The following MED6 variants were observed in gnomAD, a reference collection of about 807,000 sequenced individuals.
MED6 encodes the protein mediator complex subunit 6, also known as mediator of RNA polymerase II transcription subunit 6.
A neutral mutation model predicts 37.5 loss-of-function variants in MED6; 33 were observed. The ratio of observed to expected loss-of-function variants is 0.88; its 90% CI spans 0.67 to 1.18. The LOEUF (loss-of-function observed/expected upper bound fraction) is 1.18, where lower values mean the gene tolerates loss of function less well. Among genes scored for constraint, MED6 ranks in the 50% most tolerant of loss-of-function variants. MED6 has a pLI of 0.00. For synonymous variants in MED6, 94 were observed against 93.6 expected, an observed-to-expected ratio of 1.00 and a Z score of -0.02; for missense variants, 235 against 290.6, an observed-to-expected ratio of 0.81 and a Z score of 1.39.
chr14:70,587,207 G>A (rs553422292), intron 6 of MED6, among the ~76,000 whole-genome samples: 1 of 152,306 alleles, frequency 6.6e-6, no homozygotes, highest in East Asian at 1.9e-4. Context: ...CTTAAGGGAA[G>A]GAGAAAGTAT....
At chr14:70,593,756 G>A (rs757211770) in intron 3 of MED6, among the ~76,000 whole-genome samples, 2 of 152,148 alleles carry the variant, frequency 1.3e-5, no homozygotes, top group African/African-American at 2.4e-5. Context: ...CATTTCTAAC[G>A]AGTTCCCAAA....
In MED6 at chr14:70,595,525, G is replaced by A. The variant is rs186782671; in HGVS notation, c.274+1086C>T. The A allele has an allele frequency of 1.6e-4, 113 of 685,656 alleles. 1 individual carries two copies. Among genetic ancestry groups the A allele is most frequent in the African/African-American group, 8.1e-4 (47 of 57,966 alleles). 42.5% of individuals were successfully genotyped at this position (685,656 alleles called of 1,614,324 possible). ...AACAGCCTGAGGGAGGTGGAGGCCT[G>A]CTATACCCTGCAGATGGAGCAGCTC... On this transcript the variant is annotated intron_variant, in intron 3 of 7. Transcript: ENST00000256379.
At chr14:70,585,057 T>A in intron 7 of MED6, 114 bp from the exon 8 acceptor site, 1 of 1,227,048 alleles carries the variant, frequency 8.1e-7, no homozygotes, top group Non-Finnish European at 1.1e-6. Context: ...TTATCTCAAG[T>A]TCTAGATCTA....
At chr14:70,588,661 G>GCACTCC (rs1391985460) in intron 6 of MED6, among the ~76,000 whole-genome samples, 36 of 149,900 alleles carry the variant, frequency 2.4e-4, no homozygotes, top group African/African-American at 8.8e-4. Flanking sequence ...ACTCCAGCCT[G>GCACTCC]GGCGACAGAG....
intron 1 of MED6, 46 bp from the exon 2 acceptor site, chr14:70,597,823 G>A: frequency 1.4e-6 from 2 of 1,463,966 alleles, no homozygotes; most frequent in Non-Finnish European, 1.8e-6. Flanking sequence ...AAAATAGAAA[G>A]AATCCAATCC....
rs1229117341 is a variant in MED6, at chr14:70,592,758, CCA to C, written c.466+120_466+121del. 3 of 1,054,764 alleles carry C rather than the reference CCA, an allele frequency of 2.8e-6. No homozygotes were observed. In the East Asian group the frequency reaches 7.7e-5, roughly 27 times the overall value. 65.3% of individuals were successfully genotyped at this position (1,054,764 alleles called of 1,614,324 possible). A position where few individuals can be genotyped will look rare whatever the true frequency, so the allele number is the denominator to read the frequency against. On this transcript the variant is annotated intron_variant, in intron 5 of 7. Coordinates refer to ENST00000256379, the MANE Select transcript of MED6 (RefSeq NM_005466.4). ...TACATGAATCTCAGCTGCAACAAAG[CCA>C]TCATCCCATGAAAAAGTGAAACACA...
chr14:70,589,719 T>C (rs1369996094), intron 6 of MED6, among the ~76,000 whole-genome samples: 5 of 152,212 alleles, frequency 3.3e-5, no homozygotes, highest in Non-Finnish European at 7.4e-5. Context: ...CCAGCTCCTT[T>C]GCATAGCATA....
intron 3 of MED6, chr14:70,594,905 T>A (rs534250644): frequency 3.2e-5 from 20 of 621,582 alleles, no homozygotes; most frequent in African/African-American, 1.8e-4. Flanking sequence ...CAGGAGCACC[T>A]GGATAAGAAG....
At chr14:70,587,743 T>C (rs116882238) in intron 6 of MED6, among the ~76,000 whole-genome samples, 84 of 152,358 alleles carry the variant, frequency 5.5e-4, no homozygotes, top group Non-Finnish European at 1.0e-3. Context: ...CAGGTGGCTT[T>C]GGTTTAGATA....
At chr14:70,586,205 T>C (rs1028612532) in intron 6 of MED6, among the ~76,000 whole-genome samples, 2 of 152,184 alleles carry the variant, frequency 1.3e-5, no homozygotes, top group Admixed American at 1.3e-4. Context: ...GAAGTATGGA[T>C]GAACCATGAC....
intron 6 of MED6, among the ~76,000 whole-genome samples, chr14:70,590,544 C>T (rs1189104112): frequency 6.6e-6 from 1 of 152,094 alleles, no homozygotes; most frequent in East Asian, 1.9e-4. Flanking sequence ...TTTAAAATTT[C>T]CCTTGAAAAT....
chr14:70,593,320 CA>C lies in MED6; in HGVS notation c.332del (p.Leu111TrpfsTer5). 1 of 1,613,842 alleles carries C rather than the reference CA, an allele frequency of 6.2e-7. No individual in the cohort carries two copies. The highest frequency in any genetic ancestry group is 8.5e-7 in the Non-Finnish European group (1 of 1,179,838). On this transcript the variant is annotated frameshift_variant, in exon 4 of 8. Coordinates refer to ENST00000256379, the MANE Select transcript of MED6 (RefSeq NM_005466.4). LOFTEE classifies it high-confidence loss of function. The stretch of plus-strand genomic sequence containing the variant: ...CCACTCTAGAGTTTATAACTGATCC[CA>C]AGTCTGGTGCCTGATAGATCACTCC... Reference protein sequence around the residue: ...IAGVIYQAPDLGSVINSRVLT... With the variant: ...IAGVIYQAPDXGSVINSRVLT...
At chr14:70,595,214 C>G (rs1885007601) in intron 3 of MED6, 2 of 540,012 alleles carry the variant, frequency 3.7e-6, no homozygotes, top group Non-Finnish European at 7.3e-6. Flanking sequence ...TAAAGGCCTA[C>G]AAGCCCAGAC....
intron 3 of MED6, chr14:70,594,765 G>T: frequency 1.8e-6 from 1 of 554,858 alleles, no homozygotes; most frequent in South Asian, 1.7e-5. Context: ...GTTCTAGCAG[G>T]AATGGGAGGC....
At chr14:70,598,549 G>A (rs1341287768) in intron 1 of MED6, among the ~76,000 whole-genome samples, 4 of 152,144 alleles carry the variant, frequency 2.6e-5, no homozygotes, top group African/African-American at 9.7e-5. Context: ...TTTTCATGTG[G>A]AGAGAAGGTG....
intron 2 of MED6, among the ~76,000 whole-genome samples, chr14:70,597,072 C>A (rs1885069516): frequency 1.3e-5 from 2 of 152,124 alleles, no homozygotes; most frequent in African/African-American, 4.8e-5. Context: ...CATGAAGACA[C>A]AACTATATAT....
chr14:70,587,493 A>T (rs962371634), intron 6 of MED6, among the ~76,000 whole-genome samples: 2 of 152,176 alleles, frequency 1.3e-5, no homozygotes, highest in Admixed American at 6.5e-5. Flanking sequence ...ATAGGAGAGG[A>T]AACATAGGGA....
intron 3 of MED6, chr14:70,594,611 G>C (rs1249525045): frequency 2.4e-6 from 1 of 414,554 alleles, no homozygotes; most frequent in East Asian, 5.7e-5. Flanking sequence ...CCATCCAGGC[G>C]CCCAGCTGCG....
chr14:70,597,858 TGTA>T (rs1885090096), intron 1 of MED6, 81 bp from the exon 2 acceptor site: 5 of 1,161,194 alleles, frequency 4.3e-6, no homozygotes, highest in Non-Finnish European at 5.9e-6. Flanking sequence ...ATACATCAAA[TGTA>T]GTAGGCACTA....
Sources: allele counts gnomAD v4.1 joint callset (sites outside exome capture counted in the v4.1 genomes callset), GRCh38; gene constraint gnomAD v4.1.1; transcripts MANE v1.5; gene names NCBI Gene and HGNC (gene_info 2026-07-23, HGNC 2026-07-21).